The following TBXAS1 variants were observed in gnomAD, a reference collection of about 807,000 sequenced individuals.
TBXAS1 encodes the protein thromboxane A synthase 1.
In TBXAS1, 48 loss-of-function variants were observed where a neutral mutation model predicts 60.7. The observed-to-expected ratio is 0.79, with a 90% confidence interval of 0.63 to 1.01. The LOEUF (loss-of-function observed/expected upper bound fraction) is 1.01, where lower values mean the gene tolerates loss of function less well. Among genes scored for constraint, TBXAS1 ranks in the 50% least tolerant of loss-of-function variants. The pLI, the probability that TBXAS1 is intolerant of heterozygous loss-of-function variation, is 0.00. For synonymous variants in TBXAS1, 287 were observed against 269.7 expected (o/e 1.06, Z -0.63); for missense variants, 685 against 686.3 (o/e 1.00, Z 0.02).
intron 6 of TBXAS1, among the ~76,000 whole-genome samples, chr7:139,954,058 T>G (rs748466521): frequency 4.6e-5 from 7 of 152,114 alleles, no homozygotes; most frequent in Non-Finnish European, 7.4e-5. Context: ...TTACTGTATT[T>G]TATGTGTGGC....
chr7:139,803,149 A>G (rs1205539619), intron 4 of TBXAS1, among the ~76,000 whole-genome samples: 1 of 152,226 alleles, frequency 6.6e-6, no homozygotes, highest in Non-Finnish European at 1.5e-5. Context: ...AGACAGGAAA[A>G]TATGAGAAAG....
intron 9 of TBXAS1, among the ~76,000 whole-genome samples, chr7:139,977,335 T>C (rs1433911750): frequency 1.3e-5 from 2 of 152,070 alleles, no homozygotes; most frequent in African/African-American, 4.8e-5. Context: ...AGAGACAGCT[T>C]TTGCAGGGAA....
intron 1 of TBXAS1, among the ~76,000 whole-genome samples, chr7:139,834,287 T>A: frequency 6.6e-6 from 1 of 152,064 alleles, no homozygotes; most frequent in East Asian, 1.9e-4. Context: ...ACAAAACCTA[T>A]CAAAACCTCT....
chr7:139,947,041 G>A (rs145771867), intron 5 of TBXAS1, among the ~76,000 whole-genome samples: 11 of 152,244 alleles, frequency 7.2e-5, no homozygotes, highest in South Asian at 2.1e-4. Context: ...CTTCTTGGTC[G>A]TTACTCTCTT....
chr7:139,879,868 G>C (rs199712974), intron 3 of TBXAS1, among the ~76,000 whole-genome samples: 1 of 116,190 alleles, frequency 8.6e-6, no homozygotes, highest in Non-Finnish European at 1.8e-5. Flanking sequence ...GTGTGTGTGT[G>C]TGTGTGTGTG....
At chr7:140,007,535 A>G (rs1814189038) in intron 10 of TBXAS1, among the ~76,000 whole-genome samples, 1 of 152,206 alleles carries the variant, frequency 6.6e-6, no homozygotes, top group Non-Finnish European at 1.5e-5. Flanking sequence ...TTTATTGAGC[A>G]TCTACTCTGT....
chr7:139,802,275 G>A (rs748606825), intron 4 of TBXAS1, among the ~76,000 whole-genome samples: 24 of 152,190 alleles, frequency 1.6e-4, no homozygotes, highest in Non-Finnish European at 3.4e-4. Flanking sequence ...TGAGTGCTAC[G>A]TGTATCCATT....
chr7:140,012,462 CTTT>C (rs879886189), intron 10 of TBXAS1, among the ~76,000 whole-genome samples: 1 of 143,660 alleles, frequency 7.0e-6, no homozygotes. Context: ...GTAACCAGAA[CTTT>C]TTTTTTTTTT....
At chr7:140,003,887 A>G (rs950274135) in intron 9 of TBXAS1, among the ~76,000 whole-genome samples, 2 of 152,248 alleles carry the variant, frequency 1.3e-5, no homozygotes, top group Non-Finnish European at 2.9e-5. Context: ...GAAGGGACCA[A>G]GATGCCACCC....
intron 9 of TBXAS1, among the ~76,000 whole-genome samples, chr7:139,986,739 ACATACATATATATATATGTGTG>A (rs1234413186): frequency 0.036 from 1,479 of 41,544 alleles, 54 homozygotes; most frequent in African/African-American, 0.17. Flanking sequence ...ATATATATAT[ACATACATATATATATATGTGTG>A]TGTGTGTGTG....
At chr7:139,826,835 C>T (rs1312973960), upstream of TBXAS1, among the ~76,000 whole-genome samples, 1 of 152,206 alleles carries the variant, frequency 6.6e-6, no homozygotes, top group African/African-American at 2.4e-5. Flanking sequence ...TCGACACCTC[C>T]ACTCAGATGT....
chr7:139,845,997 G>A (rs1799777736), intron 1 of TBXAS1, among the ~76,000 whole-genome samples: 1 of 151,304 alleles, frequency 6.6e-6, no homozygotes, highest in Admixed American at 6.6e-5. Context: ...GCTATTTTTT[G>A]TATTTTTTTG....
At chr7:139,877,964 T>C (rs1802374460) in intron 3 of TBXAS1, among the ~76,000 whole-genome samples, 1 of 152,174 alleles carries the variant, frequency 6.6e-6, no homozygotes, top group Non-Finnish European at 1.5e-5. Flanking sequence ...GAAAAAGTCC[T>C]GACTGAGTTT....
chr7:139,898,371 A>G (rs993943182), intron 3 of TBXAS1, among the ~76,000 whole-genome samples: 14 of 146,618 alleles, frequency 9.5e-5, no homozygotes, highest in African/African-American at 2.6e-4. Context: ...GAAAGCCCTC[A>G]TCAGTTCTAC....
At chr7:139,909,449 T>C (rs1024602990) in intron 3 of TBXAS1, among the ~76,000 whole-genome samples, 5 of 152,232 alleles carry the variant, frequency 3.3e-5, no homozygotes, top group African/African-American at 1.2e-4. Context: ...GAGTTGTTTT[T>C]TGTTTTCTTG....
chr7:139,898,281 C>T (rs1804265745), intron 3 of TBXAS1, among the ~76,000 whole-genome samples: 1 of 152,172 alleles, frequency 6.6e-6, no homozygotes, highest in Non-Finnish European at 1.5e-5. Context: ...TGTTAGCATC[C>T]TCAGCCTGCT....
intron 1 of TBXAS1, among the ~76,000 whole-genome samples, chr7:139,842,817 G>A (rs1003526684): frequency 3.3e-5 from 5 of 152,236 alleles, no homozygotes; most frequent in African/African-American, 1.2e-4. Context: ...GCAAAGGTGT[G>A]CTTCTTAGGT....
At chr7:139,835,127 C>T (rs367987998) in intron 1 of TBXAS1, among the ~76,000 whole-genome samples, 302 of 149,844 alleles carry the variant, frequency 2.0e-3, no homozygotes, top group African/African-American at 6.9e-3. Flanking sequence ...AGTGCAGTGG[C>T]GCGATCTCGG....
At chr7:139,829,872 T>G (rs1219729904) in intron 1 of TBXAS1, among the ~76,000 whole-genome samples, 2 of 152,198 alleles carry the variant, frequency 1.3e-5, no homozygotes, top group Admixed American at 1.3e-4. Context: ...TTGGTTCATA[T>G]TACATTCAAA....
Sources: gnomAD v4.1 joint callset for allele counts (sites outside exome capture counted in the v4.1 genomes callset) on GRCh38, gnomAD v4.1.1 for gene constraint, MANE v1.5 for transcripts, NCBI Gene and HGNC (gene_info 2026-07-23, HGNC 2026-07-21) for gene names.